The following HPX variants were observed in gnomAD, a reference collection of about 807,000 sequenced individuals.
HPX encodes beta-1B-glycoprotein.
A neutral mutation model predicts 53.8 loss-of-function variants in HPX; 42 were observed. The observed-to-expected ratio is 0.78, with a 90% confidence interval of 0.61 to 1.01. HPX has a LOEUF of 1.01. Ranked by LOEUF, HPX falls within the 50% of genes least tolerant of loss-of-function variation. The probability of loss-of-function intolerance (pLI) is 0.00; values close to 1 mark genes in which losing one functional copy is unlikely to be tolerated. For synonymous variants in HPX, 229 were observed against 221.1 expected (o/e 1.04, Z -0.32); for missense variants, 547 against 594.3 (o/e 0.92, Z 0.83).
At chr11:6,432,984 T>C (rs1188993856) in intron 7 of HPX, among the ~76,000 whole-genome samples, 1 of 152,198 alleles carries the variant, frequency 6.6e-6, no homozygotes, top group Non-Finnish European at 1.5e-5. Flanking sequence ...CTACCTGACA[T>C]GCTTATGGGG....
intron 4 of HPX, 117 bp downstream of exon 4, chr11:6,440,048 G>T: frequency 7.4e-7 from 1 of 1,358,376 alleles, no homozygotes. Context: ...GAGGGCACAT[G>T]GGAAAGAAAT....
intron 3 of HPX, 57 bp downstream of exon 3, chr11:6,440,410 C>T (rs1484352519): frequency 1.9e-6 from 3 of 1,591,090 alleles, no homozygotes; most frequent in Admixed American, 1.7e-5. Context: ...CAGGGACACC[C>T]TTTGTGAAGG....
intron 3 of HPX, 33 bp from the exon 4 acceptor site, chr11:6,440,319 T>A: frequency 6.2e-7 from 1 of 1,612,828 alleles, no homozygotes; most frequent in African/African-American, 1.3e-5. Context: ...AGGGGCCCAG[T>A]GAGAAACCTT....
chr11:6,436,171 G>T (rs369849586), intron 7 of HPX, among the ~76,000 whole-genome samples: 72 of 152,150 alleles, frequency 4.7e-4, no homozygotes, highest in African/African-American at 1.7e-3. Flanking sequence ...TCTCCATGTG[G>T]TGATGTATTT....
intron 7 of HPX, chr11:6,432,332 A>G: frequency 7.9e-6 from 3 of 378,690 alleles, no homozygotes; most frequent in Non-Finnish European, 1.5e-5. Context: ...ATGTACAGAG[A>G]TGCGGTTATA....
At position 6,431,953 on chromosome 11, in the gene HPX, C is replaced by A; in HGVS notation, c.900G>T (p.Gln300His). 1 of 1,614,208 alleles carries A rather than the reference C, an allele frequency of 6.2e-7. No homozygotes were observed. Reference protein sequence around the residue: ...DGWHSWPIAHQWPQGPSAVDA... With the variant: ...DGWHSWPIAHHWPQGPSAVDA... Reference sequence around the variant, plus strand: ...CCACTGCTGAAGGACCCTGGGGCCACTGATGAGCAATGGGCCAGCTATGCC... The same window carrying A: ...CCACTGCTGAAGGACCCTGGGGCCAATGATGAGCAATGGGCCAGCTATGCC... Residue 300 changes from glutamine (Q) to histidine (H), a missense_variant, in exon 8 of 10, where the codon CAG (glutamine) becomes CAT (histidine). Coordinates refer to ENST00000265983, the MANE Select transcript of HPX (RefSeq NM_000613.3).
intron 7 of HPX, among the ~76,000 whole-genome samples, chr11:6,434,616 C>G (rs1366069094): frequency 1.3e-5 from 2 of 152,232 alleles, no homozygotes; most frequent in Admixed American, 1.3e-4. Context: ...TAGGCATGAG[C>G]CACCACACCT....
At position 6,440,555 on chromosome 11, in the gene HPX, G is replaced by A. The variant is rs1423769239; in HGVS notation, c.143-17C>T. 4 of 1,150,588 alleles carry A rather than the reference G, an allele frequency of 3.5e-6. No homozygotes were observed. The highest frequency in any genetic ancestry group is 3.7e-6 in the Non-Finnish European group (3 of 802,820). The allele number at this position is 1,150,588 out of a possible 1,614,324, so 71.3% of individuals were successfully genotyped here. A position where few individuals can be genotyped will look rare whatever the true frequency, so the allele number is the denominator to read the frequency against. On this transcript the variant is annotated splice_polypyrimidine_tract_variant and intron_variant, in intron 2 of 9. Coordinates refer to ENST00000265983, the MANE Select transcript of HPX (RefSeq NM_000613.3). ...AGCAGCGTTCTGGGGTGGAGGTAGGGAGATGGCAAAGTAAAAAAAAAAAAA... is the reference window on the plus strand; with the variant it reads ...AGCAGCGTTCTGGGGTGGAGGTAGGAAGATGGCAAAGTAAAAAAAAAAAAA...
At chr11:6,440,371 A>G in intron 3 of HPX, 85 bp from the exon 4 acceptor site, 1 of 1,599,094 alleles carries the variant, frequency 6.3e-7, no homozygotes, top group Non-Finnish European at 8.6e-7. Flanking sequence ...CAGTGATACC[A>G]TCAGATAATT....
intron 1 of HPX, 40 bp downstream of exon 1, chr11:6,440,841 C>T: frequency 6.2e-7 from 1 of 1,606,226 alleles, no homozygotes. Flanking sequence ...TACCCTAGCC[C>T]AGAACTCAAT....
chr11:6,440,109 C>A (rs1250486531), intron 4 of HPX, 56 bp downstream of exon 4: 3 of 1,611,272 alleles, frequency 1.9e-6, no homozygotes, highest in African/African-American at 2.7e-5. Context: ...GGGGAAGGGT[C>A]CCCAGTGTCG....
At chr11:6,435,510 G>C (rs953679928) in intron 7 of HPX, among the ~76,000 whole-genome samples, 1 of 151,996 alleles carries the variant, frequency 6.6e-6, no homozygotes, top group Non-Finnish European at 1.5e-5. Context: ...TGTCACCCAG[G>C]CTGGAGTGCA....
At chr11:6,437,348 G>A (rs1055718767) in intron 6 of HPX, 92 bp downstream of exon 6, 23 of 1,386,796 alleles carry the variant, frequency 1.7e-5, no homozygotes, top group Middle Eastern at 2.5e-4. Flanking sequence ...GTCGCAACAC[G>A]GAGTTAAAGT....
rs1849427523 is a variant in HPX at position 6,437,193 on chromosome 11, G to A, written c.704-16C>T. ...TGTCCATGGCCTGGAGAGAGAAATG[G>A]GTGAGGAGAACACAGAAGGAGGCCA... On this transcript the variant is annotated splice_polypyrimidine_tract_variant and intron_variant, in intron 6 of 9. Coordinates refer to ENST00000265983, the MANE Select transcript of HPX (RefSeq NM_000613.3). 4 of 1,610,382 alleles carry A rather than the reference G, an allele frequency of 2.5e-6. No homozygotes were observed. The highest frequency in any genetic ancestry group is 1.7e-6 in the Non-Finnish European group (2 of 1,177,922).
Position 6,436,251 on chromosome 11 carries a change from G to A in HPX, c.835+795C>T, listed in dbSNP as rs1390462879. 2.0e-5 allele frequency among the ~76,000 whole-genome samples: 3 copies of A among 152,078 alleles called. No individual in the cohort carries two copies. In the East Asian group the frequency reaches 5.8e-4, roughly 29 times the overall value. ...GTCAGGAGCCAAAAAAATTTTGTGTGAAAAAAATATTTTCACGATTTTATA... is the reference window on the plus strand; with the variant it reads ...GTCAGGAGCCAAAAAAATTTTGTGTAAAAAAAATATTTTCACGATTTTATA... On this transcript the variant is annotated intron_variant, in intron 7 of 9. Transcript: ENST00000265983.
At chr11:6,438,219 G>A (rs574885777) in intron 5 of HPX, 137 bp downstream of exon 5, 84 of 838,634 alleles carry the variant, frequency 1.0e-4, no homozygotes, top group African/African-American at 6.4e-4. Flanking sequence ...TAGACCATAC[G>A]TGGCTTCTCT....
chr11:6,435,607 C>T (rs894075903), intron 7 of HPX, among the ~76,000 whole-genome samples: 3 of 151,988 alleles, frequency 2.0e-5, no homozygotes, highest in South Asian at 2.1e-4. Flanking sequence ...CTACCACACC[C>T]GACTAATTTT....
At chr11:6,438,221 G>C (rs1849441427) in intron 5 of HPX, 135 bp downstream of exon 5, 2 of 850,368 alleles carry the variant, frequency 2.4e-6, no homozygotes, top group Non-Finnish European at 3.8e-6. Context: ...GACCATACGT[G>C]GCTTCTCTAT....
intron 5 of HPX, 57 bp downstream of exon 5, chr11:6,438,299 T>C: frequency 1.3e-6 from 2 of 1,551,444 alleles, no homozygotes; most frequent in Non-Finnish European, 1.8e-6. Flanking sequence ...CCATCACTAC[T>C]GGCATCACTA....
Sources: gnomAD v4.1 joint callset for allele counts (sites outside exome capture counted in the v4.1 genomes callset) on GRCh38, gnomAD v4.1.1 for gene constraint, MANE v1.5 for transcripts, NCBI Gene and HGNC (gene_info 2026-07-23, HGNC 2026-07-21) for gene names.